ZNF205: variants seen among roughly 807,000 people sequenced by gnomAD.
ZNF205 encodes the protein zinc finger protein 205, also known as transcriptional repressor RHIT.
A neutral mutation model predicts 53.6 loss-of-function variants in ZNF205; 32 were observed. The ratio of observed to expected loss-of-function variants is 0.60; its 90% confidence interval spans 0.45 to 0.80. The LOEUF is 0.80. Among genes scored for constraint, ZNF205 ranks in the 30% least tolerant of loss-of-function variants. ZNF205 has a pLI of 0.00. For synonymous variants in ZNF205, 382 were observed against 334.3 expected, an observed-to-expected ratio of 1.14 and a Z score of -1.56; for missense variants, 836 against 782.4, an observed-to-expected ratio of 1.07 and a Z score of -0.82.
At chr16:3,115,594 C>G in intron 3 of ZNF205, 26 bp downstream of exon 3, 1 of 1,561,660 alleles carries the variant, frequency 6.4e-7, no homozygotes, top group Non-Finnish European at 8.6e-7. Context: ...GGAAGAGGCG[C>G]TTTCCCAGGG....
chr16:3,114,525 G>A (rs192025135), intron 2 of ZNF205, among the ~76,000 whole-genome samples: 7 of 152,282 alleles, frequency 4.6e-5, no homozygotes, highest in East Asian at 3.9e-4. Flanking sequence ...GCAGAAGTCC[G>A]GCCAGTTCCT....
rs1395329953 is a variant in ZNF205, at chr16:3,120,266, C to CTGA, written c.1609_1611dup (p.Met537dup). The CTGA allele has an allele frequency of 6.2e-7, 1 of 1,603,110 alleles. No individual in the cohort carries two copies. The highest frequency in any genetic ancestry group is 8.5e-7 in the Non-Finnish European group (1 of 1,178,994). On this transcript the variant is annotated inframe_insertion, in exon 7 of 7. Coordinates refer to ENST00000219091, the MANE Select transcript of ZNF205 (RefSeq NM_001042428.2). The stretch of plus-strand genomic sequence containing the variant: ...CACCGGGCCCAAGGCCCTGGCCATG[C>CTGA]TGATGCTGGGGGCGGCGGCGGCGGG...
At chr16:3,116,664 GC>G in intron 5 of ZNF205, 117 bp downstream of exon 5, 1 of 1,405,528 alleles carries the variant, frequency 7.1e-7, no homozygotes, top group Non-Finnish European at 9.5e-7. Flanking sequence ...CCTTGAGACA[GC>G]ACTGTTCTAT....
In ZNF205 at chr16:3,120,460, G is replaced by C; in HGVS notation, c.*135G>C. On this transcript the variant is annotated 3_prime_UTR_variant, in exon 7 of 7. Coordinates refer to ENST00000219091, the MANE Select transcript of ZNF205 (RefSeq NM_001042428.2). ...GGCATGGGGTGAGGCATGGCGATGG[G>C]GGAGGGCGAGGGCGAGAAAGGGCAG... 1 of 1,057,604 alleles carries C rather than the reference G, an allele frequency of 9.5e-7. No homozygotes were observed. The highest frequency in any genetic ancestry group is 1.3e-6 in the Non-Finnish European group (1 of 755,784). The allele number at this position is 1,057,604 out of a possible 1,614,324, so 65.5% of individuals were successfully genotyped here. A position where few individuals can be genotyped will look rare whatever the true frequency, so the allele number is the denominator to read the frequency against.
rs749475413 is a variant in ZNF205, at chr16:3,119,293, C to A, written c.633C>A (p.Ser211=). 2 of 1,608,840 alleles carry A rather than the reference C, an allele frequency of 1.2e-6. No homozygotes were observed. The highest frequency in any genetic ancestry group is 1.7e-6 in the Non-Finnish European group (2 of 1,177,318). The change falls in exon 7 of 7, where the codon TCC becomes TCA. Residue 211 remains serine, a synonymous_variant. Transcript: ENST00000219091. ...VEVGQRVQTS[S]VAALGNVKPF... ...TGGGGCAGAGGGTGCAGACCTCATC[C>A]GTGGCAGCCCTTGGGAATGTGAAGC...
chr16:3,115,326 C>T (rs1489789538), intron 2 of ZNF205, 29 bp from the exon 3 acceptor site: 1 of 1,520,972 alleles, frequency 6.6e-7, no homozygotes. Context: ...TCCCACTCAT[C>T]TGGGTGCTGA....
rs1220540452 is a variant in ZNF205 at position 3,115,814 on chromosome 16, T to C, written c.272-15T>C. On this transcript the variant is annotated splice_polypyrimidine_tract_variant and intron_variant, in intron 3 of 6. Transcript: ENST00000219091. ...GGATGAGCTGATCACCGTGAGGACC[T>C]CTCTCCTCCCACAGCCCTCCCCTCC... The C allele has an allele frequency of 1.4e-5, 22 of 1,606,546 alleles. No individual in the cohort carries two copies. Among genetic ancestry groups the C allele is most frequent in the South Asian group, 4.4e-5 (4 of 90,598 alleles).
chr16:3,113,367 G>C (rs1957295318), intron 1 of ZNF205, 50 bp from the exon 2 acceptor site: 4 of 1,589,988 alleles, frequency 2.5e-6, no homozygotes, highest in South Asian at 1.1e-5. Context: ...CCAGAAGCTG[G>C]AGGGGGCTTG....
chr16:3,118,560 C>G (rs562901493), intron 5 of ZNF205, among the ~76,000 whole-genome samples: 1 of 152,182 alleles, frequency 6.6e-6, no homozygotes, highest in Non-Finnish European at 1.5e-5. Flanking sequence ...CCTGGCCCTC[C>G]TGTCCCAGGT....
In ZNF205 at chr16:3,119,618, C is replaced by T. The variant is rs539131286; in HGVS notation, c.958C>T (p.His320Tyr). The T allele has an allele frequency of 8.1e-6, 13 of 1,610,976 alleles. No homozygotes were observed. The South Asian group carries it at 1.4e-4, about 18-fold the overall frequency. Residue 320 changes from histidine to tyrosine, a missense_variant, in exon 7 of 7, where the codon CAC (histidine) becomes TAC (tyrosine). His to Tyr is a moderately conservative substitution (Grantham distance 83). Transcript: ENST00000219091. ...GCAGTGCGGCAAGGGCTTCAGCTGG[C>T]ACTCGCACCTGGTGACGCACCGGCG... is the stretch of plus-strand genomic sequence containing the variant. ...CEQCGKGFSWHSHLVTHRRTH... is the reference protein window; with the variant it reads ...CEQCGKGFSWYSHLVTHRRTH...
At position 3,120,428 on chromosome 16, in the gene ZNF205, C is replaced by G; in HGVS notation, c.*103C>G. The G allele has an allele frequency of 7.6e-7, 1 of 1,318,654 alleles. No individual in the cohort carries two copies. 81.7% of individuals were successfully genotyped at this position (1,318,654 alleles called of 1,614,324 possible). A position where few individuals can be genotyped will look rare whatever the true frequency, so the allele number is the denominator to read the frequency against. On this transcript the variant is annotated 3_prime_UTR_variant, in exon 7 of 7. Transcript: ENST00000219091. ...GAGGGGCTCGGGAAGGGAGCTGGGGCGGTGAGGGCATGGGGTGAGGCATGG... is the reference window on the plus strand; with the variant it reads ...GAGGGGCTCGGGAAGGGAGCTGGGGGGGTGAGGGCATGGGGTGAGGCATGG...
intron 1 of ZNF205, among the ~76,000 whole-genome samples, chr16:3,113,161 G>A (rs1460424554): frequency 1.3e-5 from 2 of 152,174 alleles, no homozygotes; most frequent in Non-Finnish European, 2.9e-5. Flanking sequence ...AGCAATAAAG[G>A]GGACAATACA....
At chr16:3,113,586 C>T in intron 2 of ZNF205, 99 bp downstream of exon 2, 1 of 1,348,986 alleles carries the variant, frequency 7.4e-7, no homozygotes, top group South Asian at 1.3e-5. Flanking sequence ...GAGTTAGACT[C>T]ACTGGGGTGG....
rs768845021 is a variant in ZNF205, at chr16:3,120,273, T to TGGGGGC, written c.1616_1621dup (p.Gly539_Ala540dup). ...CCCAAGGCCCTGGCCATGCTGATGC[T>TGGGGGC]GGGGGCGGCGGCGGCGGGGGCTCTG... On this transcript the variant is annotated inframe_insertion, in exon 7 of 7. Transcript: ENST00000219091. 2 of 1,600,048 alleles carry TGGGGGC rather than the reference T, an allele frequency of 1.2e-6. No individual in the cohort carries two copies. Among genetic ancestry groups the TGGGGGC allele is most frequent in the East Asian group, 2.2e-5 (1 of 44,808 alleles).
chr16:3,113,824 T>C (rs1225526724), intron 2 of ZNF205, among the ~76,000 whole-genome samples: 1 of 152,156 alleles, frequency 6.6e-6, no homozygotes, highest in South Asian at 2.1e-4. Context: ...GCTTCTCATC[T>C]CTGTGGGTCT....
Position 3,115,918 on chromosome 16 carries a change from C to T in ZNF205, c.361C>T (p.Gln121Ter). The T allele has an allele frequency of 1.2e-6, 2 of 1,613,268 alleles. No individual in the cohort carries two copies. Among genetic ancestry groups the T allele is most frequent in the South Asian group, 2.2e-5 (2 of 90,878 alleles). Residue 121 changes from glutamine (Q) to a stop codon, truncating the protein, a stop_gained and splice_region_variant, in exon 4 of 7, where the codon CAG becomes TAG. Coordinates refer to ENST00000219091, the MANE Select transcript of ZNF205 (RefSeq NM_001042428.2). LOFTEE classifies it high-confidence loss of function. ...TGCAGCGCTCCTCACTGCCTGGTCCCAGGTGAGTGGCCCTTCCCCGGCCCC... is the reference window on the plus strand; with the variant it reads ...TGCAGCGCTCCTCACTGCCTGGTCCTAGGTGAGTGGCCCTTCCCCGGCCCC... Reference protein sequence around the residue: ...MAAALLTAWSQMPVTFEDVAL... With the variant: ...MAAALLTAWS
In ZNF205 at chr16:3,120,296, C is replaced by G. The variant is rs999321448; in HGVS notation, c.1636C>G (p.Leu546Val). 1.9e-6 allele frequency: 3 copies of G among 1,582,058 alleles called. No individual in the cohort carries two copies. The African/African-American group carries it at 4.0e-5, about 21-fold the overall frequency. The change falls in exon 7 of 7, where the codon CTG (leucine) becomes GTG (valine). Residue 546 changes from leucine to valine, a missense_variant. By Grantham distance (32) the Leu-to-Val change is conservative (BLOSUM62 1). Coordinates refer to ENST00000219091, the MANE Select transcript of ZNF205 (RefSeq NM_001042428.2). ...GCTGGGGGCGGCGGCGGCGGGGGCT[C>G]TGGCCACACCCCCACCCGCTCCCAC... ...LMLGAAAAGA[L>V]ATPPPAPT
intron 2 of ZNF205, among the ~76,000 whole-genome samples, chr16:3,114,487 G>C (rs994345546): frequency 3.3e-5 from 5 of 152,176 alleles, no homozygotes; most frequent in African/African-American, 1.2e-4. Context: ...ACACAGACAG[G>C]GCGTGGAGGA....
At chr16:3,116,062 C>G (rs565490344) in intron 4 of ZNF205, 142 bp downstream of exon 4, 120 of 979,436 alleles carry the variant, frequency 1.2e-4, no homozygotes, top group Non-Finnish European at 1.8e-4. Flanking sequence ...TGGAATTGTC[C>G]AGGCTCAAGG....
Sources: allele counts gnomAD v4.1 joint callset (sites outside exome capture counted in the v4.1 genomes callset), GRCh38; gene constraint gnomAD v4.1.1; transcripts MANE v1.5; gene names NCBI Gene and HGNC (gene_info 2026-07-23, HGNC 2026-07-21).